The following SLC22A31 variants were observed in gnomAD, a reference collection of about 807,000 sequenced individuals.
SLC22A31 encodes the protein solute carrier family 22 member 31.
Under a neutral mutation model 27.4 loss-of-function variants are expected in SLC22A31, and 42 were observed. The observed-to-expected ratio is 1.53, with a 90% CI of 1.20 to 1.98. The LOEUF (loss-of-function observed/expected upper bound fraction) is 1.98. Ranked by LOEUF, SLC22A31 falls within the 30% of genes most tolerant of loss-of-function variation. The probability of loss-of-function intolerance (pLI) is 0.00; values close to 1 mark genes in which losing one functional copy is unlikely to be tolerated. For synonymous variants in SLC22A31, 290 were observed against 230.8 expected (o/e 1.26, Z -2.33); for missense variants, 593 against 479.9 (o/e 1.24, Z -2.20).
chr16:89,196,490 G>T, intron 8 of SLC22A31, 185 bp from the exon 9 acceptor site: 4 of 1,132,258 alleles, frequency 3.5e-6, no homozygotes, highest in Non-Finnish European at 4.8e-6. Flanking sequence ...GTGCGTTGGG[G>T]GCAGCTGGTG....
chr16:89,199,159 C>G lies in SLC22A31; in HGVS notation c.316G>C (p.Ala106Pro). Residue 106 changes from alanine to proline, a missense_variant, in exon 4 of 9, where the codon GCC becomes CCC. Ala to Pro is a conservative substitution (Grantham distance 27). Coordinates refer to ENST00000682282, the MANE Select transcript of SLC22A31 (RefSeq NM_001384763.1). ...AAAAGGCCAGCCCCCATGGAGAAGG[C>G]CAGGCGGTGGGGAGGGTCACACAAC... is the stretch of plus-strand genomic sequence containing the variant. ...LELCDPPHRL[A>P]FSMGAGLFSV... 3 of 1,531,940 alleles carry G rather than the reference C, an allele frequency of 2.0e-6. No homozygotes were observed. Among genetic ancestry groups the G allele is most frequent in the Non-Finnish European group, 2.6e-6 (3 of 1,145,342 alleles). 94.9% of individuals were successfully genotyped at this position (1,531,940 alleles called of 1,614,324 possible).
intron 4 of SLC22A31, 106 bp downstream of exon 4, chr16:89,198,917 G>A: frequency 6.7e-7 from 1 of 1,488,592 alleles, no homozygotes; most frequent in Non-Finnish European, 8.9e-7. Context: ...AGTTCTCTGT[G>A]ACCCTGTAAC....
At chr16:89,196,880 A>G (rs1284363176) in intron 8 of SLC22A31, among the ~76,000 whole-genome samples, 2 of 150,572 alleles carry the variant, frequency 1.3e-5, no homozygotes, top group Non-Finnish European at 3.0e-5. Flanking sequence ...AGAGAGTTGG[A>G]GGCTGCAGTG....
chr16:89,199,665 G>A (rs1774281035), intron 2 of SLC22A31, 48 bp downstream of exon 2: 2 of 404,192 alleles, frequency 4.9e-6, no homozygotes, highest in Non-Finnish European at 8.8e-6. Context: ...CCTGAGAGTG[G>A]GCGGAGGGGA....
At chr16:89,198,093 C>T in intron 7 of SLC22A31, 29 bp downstream of exon 7, 1 of 1,532,326 alleles carries the variant, frequency 6.5e-7, no homozygotes, top group South Asian at 1.2e-5. Flanking sequence ...ACAATGGCTC[C>T]TGTATGGCCT....
At chr16:89,197,660 C>T (rs778807850) in intron 7 of SLC22A31, among the ~76,000 whole-genome samples, 47 of 152,336 alleles carry the variant, frequency 3.1e-4, no homozygotes, top group African/African-American at 8.9e-4. Context: ...CTCGGGCCCA[C>T]GCTCAGCTAC....
rs1299597202 is a variant in SLC22A31, at chr16:89,199,580, G to A, written c.129-13C>T. ...CCGGCGTCCAAACCTGGTGGGCAGC[G>A]GGGGACATGCTTGGACAGGGTCAGG... On this transcript the variant is annotated splice_polypyrimidine_tract_variant and intron_variant, in intron 2 of 8. Coordinates refer to ENST00000682282, the MANE Select transcript of SLC22A31 (RefSeq NM_001384763.1). The A allele has an allele frequency of 3.0e-5, 13 of 440,208 alleles. No individual in the cohort carries two copies. Among genetic ancestry groups the A allele is most frequent in the Admixed American group, 2.3e-4 (6 of 26,224 alleles). 27.3% of individuals were successfully genotyped at this position (440,208 alleles called of 1,614,324 possible). A position where few individuals can be genotyped will look rare whatever the true frequency, so the allele number is the denominator to read the frequency against.
At chr16:89,200,088 C>T (rs1221165998) in intron 1 of SLC22A31, 2 of 333,398 alleles carry the variant, frequency 6.0e-6, no homozygotes, top group Non-Finnish European at 1.1e-5. Context: ...CCCCCACCTC[C>T]GCACACCATT....
chr16:89,195,997 G>T lies in SLC22A31; in HGVS notation c.*2C>A. 6.7e-7 allele frequency: 1 copy of T among 1,499,106 alleles called. No individual in the cohort carries two copies. The highest frequency in any genetic ancestry group is 8.9e-7 in the Non-Finnish European group (1 of 1,128,700). 92.9% of individuals were successfully genotyped at this position (1,499,106 alleles called of 1,614,324 possible). ...CCTGGCTCCCAGGGCCACCAGGCAG[G>T]ACTAGTGCTGCTCGGGGGTGTGGCC... On this transcript the variant is annotated 3_prime_UTR_variant, in exon 9 of 9. Coordinates refer to ENST00000682282, the MANE Select transcript of SLC22A31 (RefSeq NM_001384763.1).
Position 89,199,181 on chromosome 16 carries a change from C to T in SLC22A31, c.294G>A (p.Leu98=). 1 of 1,529,174 alleles carries T rather than the reference C, an allele frequency of 6.5e-7. No homozygotes were observed. The highest frequency in any genetic ancestry group is 8.7e-7 in the Non-Finnish European group (1 of 1,143,724). 94.7% of individuals were successfully genotyped at this position (1,529,174 alleles called of 1,614,324 possible). The part of the protein sequence containing the change: ...LLALYLARLE[L]CDPPHRLAFS... ...AGGCCAGGCGGTGGGGAGGGTCACA[C>T]AACTCCAGGCCTGGGCAGACACAGA... Residue 98 remains leucine, a synonymous_variant, in exon 4 of 9, where the codon TTG becomes TTA. Transcript: ENST00000682282.
Position 89,198,214 on chromosome 16 carries a change from A to G in SLC22A31, c.830T>C (p.Leu277Pro). The change falls in exon 7 of 9, where the codon CTG becomes CCG. Residue 277 changes from leucine to proline, a missense_variant. Leu to Pro is a moderately conservative substitution (Grantham distance 98). Coordinates refer to ENST00000682282, the MANE Select transcript of SLC22A31 (RefSeq NM_001384763.1). ...LEAAALVFLL[L>P]TADCCGRRPV... ...GCGGCGTCCACAGCAATCTGCCGTC[A>G]GGAGCAGGAAGACCAAGGCTGCCGC... 6.5e-7 allele frequency: 1 copy of G among 1,535,896 alleles called. No homozygotes were observed. The highest frequency in any genetic ancestry group is 8.7e-7 in the Non-Finnish European group (1 of 1,146,884).
At chr16:89,201,077 C>G (rs933272654), upstream of SLC22A31, 1 of 370,892 alleles carries the variant, frequency 2.7e-6, no homozygotes, top group African/African-American at 2.1e-5. Flanking sequence ...CCCCTCTCCG[C>G]GGGTCCGGCC....
chr16:89,197,161 C>T (rs755669190), intron 8 of SLC22A31, 137 bp downstream of exon 8: 28 of 645,208 alleles, frequency 4.3e-5, no homozygotes, highest in East Asian at 2.8e-4. Context: ...TGCTTTACCC[C>T]GAGTCCTTAC....
At chr16:89,198,611 T>A in intron 5 of SLC22A31, 41 bp downstream of exon 5, 1 of 1,527,362 alleles carries the variant, frequency 6.5e-7, no homozygotes, top group African/African-American at 1.4e-5. Flanking sequence ...GAAGCCCTCC[T>A]CCAGTACCTG....
Position 89,198,193 on chromosome 16 carries a change from C to T in SLC22A31, c.851G>A (p.Arg284His), listed in dbSNP as rs55894756. 5 of 1,535,690 alleles carry T rather than the reference C, an allele frequency of 3.3e-6. No individual in the cohort carries two copies. Among genetic ancestry groups the T allele is most frequent in the East Asian group, 2.4e-5 (1 of 40,920 alleles). Residue 284 changes from arginine to histidine, a missense_variant, in exon 7 of 9, where the codon CGC (arginine) becomes CAC (histidine). Coordinates refer to ENST00000682282, the MANE Select transcript of SLC22A31 (RefSeq NM_001384763.1). Reference sequence around the variant, plus strand: ...GGTGCCCAGCAGCAGCACGGGGCGGCGTCCACAGCAATCTGCCGTCAGGAG... The same window carrying T: ...GGTGCCCAGCAGCAGCACGGGGCGGTGTCCACAGCAATCTGCCGTCAGGAG... ...FLLLTADCCG[R>H]RPVLLLGTMV...
chr16:89,198,555 AG>A lies in SLC22A31; in HGVS notation c.599-6del, dbSNP rs1916211902. The A allele has an allele frequency of 1.3e-6, 2 of 1,508,624 alleles. No homozygotes were observed. The highest frequency in any genetic ancestry group is 1.8e-6 in the Non-Finnish European group (2 of 1,129,542). 93.5% of individuals were successfully genotyped at this position (1,508,624 alleles called of 1,614,324 possible). A position where few individuals can be genotyped will look rare whatever the true frequency, so the allele number is the denominator to read the frequency against. On this transcript the variant is annotated splice_polypyrimidine_tract_variant and splice_region_variant and intron_variant, in intron 5 of 8. Transcript: ENST00000682282. ...GTGCAGACAGCATGGTCAGCTCTGT[AG>A]CCGCAGAGATGTGAGGGGAGGGGGG...
chr16:89,196,208 G>C lies in SLC22A31; in HGVS notation c.1132C>G (p.Gln378Glu). 6.5e-7 allele frequency: 1 copy of C among 1,534,964 alleles called. No homozygotes were observed. Among genetic ancestry groups the C allele is most frequent in the Non-Finnish European group, 8.7e-7 (1 of 1,146,500 alleles). ...ACAGCAAGGGAGGCGAAGACGACTT[G>C]TTGCAGGAAGAAGCCCTGCCGGCCG... ...LHGRQGFFLQ[Q>E]VVFASLAVLA... is the part of the protein sequence containing the mutation. Residue 378 changes from glutamine (Q) to glutamate (E), a missense_variant, in exon 9 of 9, where the codon CAA (glutamine) becomes GAA (glutamate). Gln to Glu is a conservative substitution (Grantham distance 29). Transcript: ENST00000682282.
chr16:89,198,776 C>A lies in SLC22A31; in HGVS notation c.474G>T (p.Glu158Asp). The A allele has an allele frequency of 1.3e-6, 2 of 1,533,168 alleles. No homozygotes were observed. Among genetic ancestry groups the A allele is most frequent in the South Asian group, 2.4e-5 (2 of 83,992 alleles). The allele number at this position is 1,533,168 out of a possible 1,614,324, so 95.0% of individuals were successfully genotyped here. The change falls in exon 5 of 9, where the codon GAG (glutamate) becomes GAT (aspartate). Residue 158 changes from glutamate (E) to aspartate (D), a missense_variant. Transcript: ENST00000682282. ...CTGTGGCCAGCAGCCAGCAGGGAGA[C>A]TCGGGGAACAGGGCCGGGAACCTGC... ...LFWGFPALFP[E>D]SPCWLLATGQ... is the part of the protein sequence containing the mutation.
intron 6 of SLC22A31, 42 bp from the exon 7 acceptor site, chr16:89,198,378 G>A: frequency 6.5e-7 from 1 of 1,533,392 alleles, no homozygotes; most frequent in Non-Finnish European, 8.7e-7. Context: ...CAGAGCCGGG[G>A]ACTCTGGGGA....
Sources: allele counts gnomAD v4.1 joint callset (sites outside exome capture counted in the v4.1 genomes callset), GRCh38; gene constraint gnomAD v4.1.1; transcripts MANE v1.5; gene names NCBI Gene and HGNC (gene_info 2026-07-23, HGNC 2026-07-21).